PALM: variants seen among roughly 807,000 people sequenced by gnomAD.
The protein encoded by PALM is paralemmin-1.
Under a neutral mutation model 30.7 loss-of-function variants are expected in PALM, and 18 were observed. The observed-to-expected ratio is 0.59, with a 90% CI of 0.41 to 0.87. The LOEUF (loss-of-function observed/expected upper bound fraction) is 0.87, where lower values mean the gene tolerates loss of function less well. PALM is among the 40% of genes least tolerant of loss of function. The pLI, the probability that PALM is intolerant of heterozygous loss-of-function variation, is 0.00. For synonymous variants in PALM, 286 were observed against 242.8 expected (o/e 1.18, Z -1.66); for missense variants, 529 against 555.4 (o/e 0.95, Z 0.48).
At chr19:721,184 C>T (rs2032466074) in intron 1 of PALM, among the ~76,000 whole-genome samples, 1 of 152,120 alleles carries the variant, frequency 6.6e-6, no homozygotes, top group African/African-American at 2.4e-5. Context: ...GTGAAGGGGC[C>T]GACCTGAGGG....
intron 1 of PALM, chr19:719,087 C>G: frequency 2.0e-6 from 2 of 984,286 alleles, no homozygotes; most frequent in Non-Finnish European, 2.4e-6. Context: ...CAATTAGCAG[C>G]AGGAATGTTC....
chr19:731,754 G>T (rs1387051191), intron 5 of PALM, among the ~76,000 whole-genome samples: 1 of 152,136 alleles, frequency 6.6e-6, no homozygotes. Flanking sequence ...CCACCTCCCA[G>T]GTTCAAGCAA....
At chr19:716,368 C>G (rs2032256850) in intron 1 of PALM, among the ~76,000 whole-genome samples, 1 of 151,962 alleles carries the variant, frequency 6.6e-6, no homozygotes, top group African/African-American at 2.4e-5. Flanking sequence ...CGAGATTGCG[C>G]CACTGCCCTC....
At chr19:739,739 G>A (rs979158843) in intron 7 of PALM, among the ~76,000 whole-genome samples, 2 of 152,112 alleles carry the variant, frequency 1.3e-5, no homozygotes, top group African/African-American at 4.8e-5. Flanking sequence ...ACTTTGGGAG[G>A]CCAAGGCAGG....
intron 7 of PALM, 22 bp from the exon 8 acceptor site, chr19:740,330 A>G: frequency 6.5e-7 from 1 of 1,548,770 alleles, no homozygotes; most frequent in African/African-American, 1.4e-5. Context: ...GCCGTGGTGT[A>G]ACCCCGTGAC....
intron 4 of PALM, among the ~76,000 whole-genome samples, chr19:730,112 C>CCTGCTCAGGGGCT (rs2032824841): frequency 6.6e-6 from 1 of 152,234 alleles, no homozygotes; most frequent in African/African-American, 2.4e-5. Context: ...CCACCTTCTG[C>CCTGCTCAGGGGCT]CTGCTCAGGG....
chr19:745,818 G>C (rs1326981628), intron 8 of PALM, among the ~76,000 whole-genome samples: 1 of 152,082 alleles, frequency 6.6e-6, no homozygotes, highest in African/African-American at 2.4e-5. Flanking sequence ...CAGCACTTTA[G>C]GAGGCCAAGA....
chr19:719,133 C>A (rs1399876941), intron 1 of PALM: 21 of 985,242 alleles, frequency 2.1e-5, no homozygotes, highest in Non-Finnish European at 2.4e-5. Context: ...GGGCAGGGAC[C>A]CCCTCGTTCT....
At position 722,818 on chromosome 19, in the gene PALM, C is replaced by G. The variant is rs1269891232; in HGVS notation, c.6-3320C>G. 2.0e-5 allele frequency: 3 copies of G among 152,388 alleles called. No homozygotes were observed. In the East Asian group the frequency reaches 5.8e-4, roughly 29 times the overall value. The allele number at this position is 152,388 out of a possible 1,614,324, so 9.4% of individuals were successfully genotyped here. Reference sequence around the variant, plus strand: ...TTTCCTGAACCCCACCCGGTGAAGGCAGCTGAACCCAGCCTCCCTGAGGAG... The same window carrying G: ...TTTCCTGAACCCCACCCGGTGAAGGGAGCTGAACCCAGCCTCCCTGAGGAG... On this transcript the variant is annotated intron_variant, in intron 1 of 8. Coordinates refer to ENST00000338448, the MANE Select transcript of PALM (RefSeq NM_002579.3).
chr19:726,965 G>GGGGGGGGGC, intron 2 of PALM, 43 bp from the exon 3 acceptor site: 4 of 1,037,618 alleles, frequency 3.9e-6, no homozygotes, highest in East Asian at 3.9e-5. Flanking sequence ...GGGTCTCCGG[G>GGGGGGGGGC]ACCCCCACGC....
At position 746,145 on chromosome 19, in the gene PALM, T is replaced by G. The variant is rs535495342; in HGVS notation, c.635-140T>G. The stretch of plus-strand genomic sequence containing the variant: ...TTTAATTGTCTGTCAGTTCTGACGG[T>G]GTAATCTAGTTCGTGATTTCCTCTT... On this transcript the variant is annotated intron_variant, in intron 8 of 8. Transcript: ENST00000338448. The surrounding 1 kb of genome is among the most constrained non-coding windows in gnomAD (Gnocchi z 7.1). 42 of 638,574 alleles carry G rather than the reference T, an allele frequency of 6.6e-5. No homozygotes were observed. In the African/African-American group the frequency reaches 7.3e-4, roughly 11 times the overall value. 39.6% of individuals were successfully genotyped at this position (638,574 alleles called of 1,614,324 possible).
rs1006550485 is a variant in PALM, at chr19:709,321, G to C, written c.5+170G>C. The stretch of plus-strand genomic sequence containing the variant: ...GCGCAGCCGGGAAGAGACTCGGGCT[G>C]GGCCGCGCCTGCCGGGAGGCCTCCC... On this transcript the variant is annotated intron_variant, in intron 1 of 8. Coordinates refer to ENST00000338448, the MANE Select transcript of PALM (RefSeq NM_002579.3). The surrounding 1 kb of genome is among the most constrained non-coding windows in gnomAD (Gnocchi z 4.3). Among the ~76,000 whole-genome samples, 3 of 151,306 alleles carry C rather than the reference G, an allele frequency of 2.0e-5. No homozygotes were observed. The highest frequency in any genetic ancestry group is 2.4e-5 in the African/African-American group (1 of 41,326).
chr19:731,373 T>C, intron 5 of PALM, 128 bp downstream of exon 5: 1 of 919,822 alleles, frequency 1.1e-6, no homozygotes, highest in Non-Finnish European at 1.6e-6. Context: ...GCACTTGATT[T>C]CCAGCTCACC....
chr19:717,952 C>T (rs1050034688), intron 1 of PALM, among the ~76,000 whole-genome samples: 1 of 152,102 alleles, frequency 6.6e-6, no homozygotes, highest in South Asian at 2.1e-4. Flanking sequence ...GAGGCTGAGG[C>T]GGGCGAACCA....
chr19:719,692 C>T (rs373488993), intron 1 of PALM: 14 of 901,028 alleles, frequency 1.6e-5, no homozygotes, highest in Non-Finnish European at 1.6e-5. Flanking sequence ...CCGCTTCCTT[C>T]CGTGACCCCT....
chr19:746,840 AC>A lies in PALM; in HGVS notation c.*30del. The A allele has an allele frequency of 3.7e-6, 4 of 1,087,122 alleles. No homozygotes were observed. Among genetic ancestry groups the A allele is most frequent in the East Asian group, 3.6e-5 (1 of 28,104 alleles). The allele number at this position is 1,087,122 out of a possible 1,614,324, so 67.3% of individuals were successfully genotyped here. A position where few individuals can be genotyped will look rare whatever the true frequency, so the allele number is the denominator to read the frequency against. The stretch of plus-strand genomic sequence containing the variant: ...GCCGGCCCCCGAGACCCCGGCCCCC[AC>A]CCCACACCACAGACACCCACCAGCC... On this transcript the variant is annotated 3_prime_UTR_variant, in exon 9 of 9. Coordinates refer to ENST00000338448, the MANE Select transcript of PALM (RefSeq NM_002579.3). The surrounding 1 kb of genome is among the most constrained non-coding windows in gnomAD (Gnocchi z 7.1).
intron 8 of PALM, among the ~76,000 whole-genome samples, chr19:744,670 G>A (rs1253119965): frequency 6.6e-6 from 1 of 152,062 alleles, no homozygotes; most frequent in Admixed American, 6.6e-5. Context: ...AAGGCGGGTG[G>A]CTCACCTGAG....
intron 6 of PALM, 56 bp from the exon 7 acceptor site, chr19:735,963 C>T: frequency 6.9e-7 from 1 of 1,458,308 alleles, no homozygotes; most frequent in Non-Finnish European, 9.5e-7. Context: ...TCTGGGGGGT[C>T]CATGTGACCT....
intron 1 of PALM, among the ~76,000 whole-genome samples, chr19:725,688 G>A (rs2032638248): frequency 6.6e-6 from 1 of 152,144 alleles, no homozygotes; most frequent in African/African-American, 2.4e-5. Context: ...AGGCTTGGGA[G>A]GTGGGGCTGG....
Sources: allele counts gnomAD v4.1 joint callset (sites outside exome capture counted in the v4.1 genomes callset), GRCh38; gene constraint gnomAD v4.1.1; non-coding constraint Gnocchi (gnomAD v3.1); transcripts MANE v1.5; gene names NCBI Gene and HGNC (gene_info 2026-07-23, HGNC 2026-07-21).